Variants in CBR4 observed in about 807,000 individuals in gnomAD.
CBR4 encodes the protein 3-oxoacyl-[acyl-carrier-protein] reductase.
A neutral mutation model predicts 21.0 loss-of-function variants in CBR4; 22 were observed. The ratio of observed to expected loss-of-function variants is 1.05; its 90% CI spans 0.75 to 1.50. CBR4 has a LOEUF of 1.50. Among genes scored for constraint, CBR4 ranks in the 40% most tolerant of loss-of-function variants. The pLI is 0.00. For missense variants in CBR4, 302 were observed against 286.3 expected, an observed-to-expected ratio of 1.05 and a Z score of -0.40; for synonymous variants, 100 against 104.4, an observed-to-expected ratio of 0.96 and a Z score of 0.26.
At chr4:169,009,571 C>T (rs1021457900) in intron 1 of CBR4, among the ~76,000 whole-genome samples, 2 of 152,248 alleles carry the variant, frequency 1.3e-5, no homozygotes, top group Non-Finnish European at 2.9e-5. Context: ...GGGCCGAGAA[C>T]TCGCCCTTTT....
chr4:168,938,759 G>A (rs1763180993), intron 2 of CBR4, among the ~76,000 whole-genome samples: 1 of 150,798 alleles, frequency 6.6e-6, no homozygotes, highest in Non-Finnish European at 1.5e-5. Flanking sequence ...GACTAAATCA[G>A]GAAGAATAGA....
At chr4:168,938,354 G>C (rs1763170540) in intron 2 of CBR4, among the ~76,000 whole-genome samples, 1 of 152,100 alleles carries the variant, frequency 6.6e-6, no homozygotes, top group Non-Finnish European at 1.5e-5. Flanking sequence ...GCCCACAAGA[G>C]AAAGCAGGAA....
chr4:168,907,382 C>T (rs1326510470), intron 2 of CBR4, among the ~76,000 whole-genome samples: 2 of 152,152 alleles, frequency 1.3e-5, no homozygotes, highest in Non-Finnish European at 2.9e-5. Flanking sequence ...AATTTCTACC[C>T]AGTATGTTGT....
intron 2 of CBR4, among the ~76,000 whole-genome samples, chr4:168,969,083 C>T (rs1764128389): frequency 6.6e-6 from 1 of 152,168 alleles, no homozygotes; most frequent in African/African-American, 2.4e-5. Context: ...TTTTGGGTAC[C>T]CAAGCAACAA....
rs188425114 is a variant in CBR4, at chr4:168,945,964, T to A, written n.170-51199A>T. On this transcript the variant is annotated intron_variant and non_coding_transcript_variant, in intron 2 of 3. Coordinates refer to the CBR4 transcript ENST00000509108. ...AGGAAAAAGTGAAAAACAACCAAAC[T>A]TCCATGACAGAATTCCTAAAAGACA... 9.2e-5 allele frequency among the ~76,000 whole-genome samples: 14 copies of A among 152,258 alleles called. No homozygotes were observed. In the East Asian group the frequency reaches 2.7e-3, roughly 29 times the overall value.
Position 168,989,637 on chromosome 4 carries a change from A to G in CBR4, c.*513T>C. On this transcript the variant is annotated 3_prime_UTR_variant, in exon 5 of 5. Transcript: ENST00000306193. ...GCAACAGCCCACAAGGTTAACTTTTAGAAAATTCAGCTTGATACAAGAAAA... is the reference window on the plus strand; with the variant it reads ...GCAACAGCCCACAAGGTTAACTTTTGGAAAATTCAGCTTGATACAAGAAAA... The G allele has an allele frequency of 1.0e-6, 1 of 984,986 alleles. No individual in the cohort carries two copies. The highest frequency in any genetic ancestry group is 1.2e-6 in the Non-Finnish European group (1 of 829,498). 61.0% of individuals were successfully genotyped at this position (984,986 alleles called of 1,614,324 possible).
intron 4 of CBR4, among the ~76,000 whole-genome samples, chr4:168,999,543 C>T (rs1730228247): frequency 1.3e-5 from 2 of 149,772 alleles, no homozygotes; most frequent in Admixed American, 6.7e-5. Flanking sequence ...GTATAAATTG[C>T]ACTGGAAATC....
intron 2 of CBR4, among the ~76,000 whole-genome samples, chr4:168,920,805 A>C (rs1401403566): frequency 6.6e-6 from 1 of 152,214 alleles, no homozygotes; most frequent in Non-Finnish European, 1.5e-5. Context: ...TGACGAATGC[A>C]TTCTCCATAA....
At chr4:168,917,001 ACATCTTT>A (rs1164269652) in intron 2 of CBR4, among the ~76,000 whole-genome samples, 3 of 147,104 alleles carry the variant, frequency 2.0e-5, no homozygotes, top group Non-Finnish European at 4.5e-5. Flanking sequence ...AGTTAGAGGG[ACATCTTT>A]CTTTCATCTG....
chr4:168,943,885 G>C (rs1226033924), intron 2 of CBR4, among the ~76,000 whole-genome samples: 1 of 152,102 alleles, frequency 6.6e-6, no homozygotes, highest in East Asian at 1.9e-4. Context: ...ACTCCAGCCT[G>C]GGTGAAAGAG....
intron 2 of CBR4, among the ~76,000 whole-genome samples, chr4:168,928,863 A>G (rs901565039): frequency 6.6e-6 from 1 of 152,172 alleles, no homozygotes; most frequent in Non-Finnish European, 1.5e-5. Context: ...TCCCTTTTAA[A>G]TTACGTCAGG....
downstream of CBR4, among the ~76,000 whole-genome samples, chr4:168,985,443 A>G (rs1764659754): frequency 6.6e-6 from 1 of 152,224 alleles, no homozygotes; most frequent in Admixed American, 6.5e-5. Flanking sequence ...TGCTGGTGGA[A>G]TATAAATTAG....
intron 3 of CBR4, among the ~76,000 whole-genome samples, chr4:169,003,650 T>C (rs535584362): frequency 6.6e-6 from 1 of 151,556 alleles, no homozygotes; most frequent in African/African-American, 2.4e-5. Flanking sequence ...AAATGAAGAG[T>C]CAATCAATGT....
chr4:168,989,837 A>C lies in CBR4; in HGVS notation c.*313T>G. 2 of 1,022,724 alleles carry C rather than the reference A, an allele frequency of 2.0e-6. No individual in the cohort carries two copies. The highest frequency in any genetic ancestry group is 2.3e-6 in the Non-Finnish European group (2 of 854,578). The allele number at this position is 1,022,724 out of a possible 1,614,324, so 63.4% of individuals were successfully genotyped here. On this transcript the variant is annotated 3_prime_UTR_variant, in exon 5 of 5. Coordinates refer to ENST00000306193, the MANE Select transcript of CBR4 (RefSeq NM_032783.5). ...AAAACACAATTTGTCTGGGGGGATG[A>C]TTGCACATGTATTTAAATATGTTAA...
chr4:168,965,280 T>C (rs1315108308), intron 2 of CBR4, among the ~76,000 whole-genome samples: 1 of 152,088 alleles, frequency 6.6e-6, no homozygotes, highest in Non-Finnish European at 1.5e-5. Context: ...TGTAAAAACA[T>C]TCCATTCTCA....
intron 2 of CBR4, among the ~76,000 whole-genome samples, chr4:168,955,219 CT>C (rs1216541542): frequency 5.3e-5 from 8 of 152,132 alleles, no homozygotes; most frequent in Non-Finnish European, 5.9e-5. Context: ...GAGGTAAATC[CT>C]CCTCTTCCTT....
At chr4:168,895,203 G>A (rs1754845858) in intron 2 of CBR4, among the ~76,000 whole-genome samples, 1 of 152,116 alleles carries the variant, frequency 6.6e-6, no homozygotes, top group Non-Finnish European at 1.5e-5. Flanking sequence ...CCAACATGGT[G>A]AAACCCCGTC....
At chr4:168,963,655 A>G (rs527374531) in intron 2 of CBR4, among the ~76,000 whole-genome samples, 1 of 151,890 alleles carries the variant, frequency 6.6e-6, no homozygotes, top group East Asian at 1.9e-4. Context: ...TTTTTAGGAG[A>G]GACAGGGTTT....
intron 2 of CBR4, among the ~76,000 whole-genome samples, chr4:168,967,348 G>T (rs943605498): frequency 2.0e-5 from 3 of 151,984 alleles, no homozygotes; most frequent in Non-Finnish European, 4.4e-5. Flanking sequence ...ACACATCGGG[G>T]CCTGTCAGGG....
Sources: gnomAD v4.1 joint callset for allele counts (sites outside exome capture counted in the v4.1 genomes callset) on GRCh38, gnomAD v4.1.1 for gene constraint, MANE v1.5 for transcripts, NCBI Gene and HGNC (gene_info 2026-07-23, HGNC 2026-07-21) for gene names.